The following CIP2A variants were observed in gnomAD, a reference collection of about 807,000 sequenced individuals.
CIP2A encodes protein CIP2A.
A neutral mutation model predicts 110.9 loss-of-function variants in CIP2A; 103 were observed. That is an observed-to-expected ratio of 0.93 (90% CI 0.79 to 1.09). The LOEUF (loss-of-function observed/expected upper bound fraction) is 1.09. Among genes scored for constraint, CIP2A ranks in the 50% least tolerant of loss-of-function variants. The pLI is 0.00. For synonymous variants in CIP2A, 381 were observed against 361.6 expected, an observed-to-expected ratio of 1.05 and a Z score of -0.61; for missense variants, 1,088 against 1,038.4, an observed-to-expected ratio of 1.05 and a Z score of -0.66.
chr3:108,584,442 G>A (rs900952359), intron 2 of CIP2A, among the ~76,000 whole-genome samples: 1 of 152,130 alleles, frequency 6.6e-6, no homozygotes, highest in Non-Finnish European at 1.5e-5. Context: ...GTGGTAATGG[G>A]TACAGGCTCA....
intron 8 of CIP2A, among the ~76,000 whole-genome samples, chr3:108,572,018 G>C (rs1156729033): frequency 6.6e-6 from 1 of 151,866 alleles, no homozygotes; most frequent in Non-Finnish European, 1.5e-5. Context: ...CAACTTTTTT[G>C]CTCAAGTATC....
At chr3:108,571,612 G>A (rs1938404845) in intron 8 of CIP2A, among the ~76,000 whole-genome samples, 1 of 152,028 alleles carries the variant, frequency 6.6e-6, no homozygotes, top group Admixed American at 6.6e-5. Flanking sequence ...TTCTTTTAAT[G>A]TACACATATA....
intron 8 of CIP2A, among the ~76,000 whole-genome samples, chr3:108,572,429 A>T (rs935776375): frequency 3.9e-5 from 6 of 152,076 alleles, no homozygotes; most frequent in Non-Finnish European, 7.4e-5. Flanking sequence ...CAATTGACCC[A>T]GCGTCATTTA....
rs1938784866 is a variant in CIP2A, at chr3:108,579,377, A to G, written c.722T>C (p.Ile241Thr). 6.2e-7 allele frequency: 1 copy of G among 1,605,920 alleles called. No individual in the cohort carries two copies. Among genetic ancestry groups the G allele is most frequent in the Non-Finnish European group, 8.5e-7 (1 of 1,173,110 alleles). Residue 241 changes from isoleucine to threonine, a missense_variant, in exon 7 of 21, where the codon ATT becomes ACT. Ile to Thr is a moderately conservative substitution (Grantham distance 89, BLOSUM62 -1). Transcript: ENST00000295746. ...IHQTFQLIFNILINGDGTLTR... is the reference protein window; with the variant it reads ...IHQTFQLIFNTLINGDGTLTR... Reference sequence around the variant, plus strand: ...TAGAGTGCCATCACCGTTTATGAGAATATTAAATATTAGTTGAAAAGTCTG... The same window carrying G: ...TAGAGTGCCATCACCGTTTATGAGAGTATTAAATATTAGTTGAAAAGTCTG...
chr3:108,552,448 T>C, intron 19 of CIP2A, 75 bp from the exon 20 acceptor site: 1 of 832,562 alleles, frequency 1.2e-6, no homozygotes, highest in Non-Finnish European at 1.7e-6. Context: ...TAGTAGCTAC[T>C]GTAAGAGCAA....
intron 1 of CIP2A, chr3:108,585,824 A>C: frequency 6.6e-6 from 3 of 451,350 alleles, no homozygotes; most frequent in South Asian, 4.7e-5. Context: ...GCATTGAAAA[A>C]TTTTATTTCT....
intron 17 of CIP2A, among the ~76,000 whole-genome samples, chr3:108,556,453 A>G (rs892618464): frequency 6.6e-6 from 1 of 152,304 alleles, no homozygotes; most frequent in Non-Finnish European, 1.5e-5. Flanking sequence ...AAACTTTGCT[A>G]GTAGGCACAC....
At chr3:108,580,589 C>T (rs1938836082) in intron 5 of CIP2A, among the ~76,000 whole-genome samples, 1 of 151,572 alleles carries the variant, frequency 6.6e-6, no homozygotes, top group African/African-American at 2.4e-5. Flanking sequence ...AAATTGTTCA[C>T]CAAGCACCTT....
At position 108,566,637 on chromosome 3, in the gene CIP2A, A is replaced by G. The variant is rs1348419864; in HGVS notation, c.1275T>C (p.Thr425=). The G allele has an allele frequency of 1.9e-6, 3 of 1,571,688 alleles. No individual in the cohort carries two copies. In the Middle Eastern group the frequency reaches 5.1e-4, roughly 270 times the overall value. The change falls in exon 11 of 21, where the codon ACT becomes ACC. Residue 425 remains threonine (T), a splice_region_variant and synonymous_variant. Transcript: ENST00000295746. ...RIAKAIEVLL[T]LCGDDTLKMH... ...TTTTTAGTGTATCATCTCCACAGAG[A>G]GGTTAAGTTTTGTTAAGATATACAA...
Position 108,579,550 on chromosome 3 carries a change from G to C in CIP2A, c.672+16C>G, listed in dbSNP as rs1200381964. The stretch of plus-strand genomic sequence containing the variant: ...AGACTATAAACTTCAGAATAAATTT[G>C]AAAAATTGTATTTACCTTTTCCCCC... On this transcript the variant is annotated intron_variant, in intron 6 of 20. Coordinates refer to ENST00000295746, the MANE Select transcript of CIP2A (RefSeq NM_020890.3). 2 of 1,576,068 alleles carry C rather than the reference G, an allele frequency of 1.3e-6. No individual in the cohort carries two copies. Among genetic ancestry groups the C allele is most frequent in the Non-Finnish European group, 1.7e-6 (2 of 1,161,266 alleles).
At chr3:108,565,507 T>C (rs888770767) in intron 11 of CIP2A, 53 bp from the exon 12 acceptor site, 50 of 941,372 alleles carry the variant, frequency 5.3e-5, no homozygotes, top group Admixed American at 3.4e-4. Flanking sequence ...TCTTAGAGCT[T>C]GTTTCTGTCC....
chr3:108,575,891 T>TATATACGTATATATACACATATAC lies in CIP2A; in HGVS notation c.894+379_894+380insGTATATGTGTATATATACGTATAT, dbSNP rs1443551475. ...GTATATATACTCATATACATGTGTA[T>TATATACGTATATATACACATATAC]GAGTATATATACATATATACATATA... is the stretch of plus-strand genomic sequence containing the variant. On this transcript the variant is annotated intron_variant, in intron 8 of 20. Coordinates refer to ENST00000295746, the MANE Select transcript of CIP2A (RefSeq NM_020890.3). 3.3e-5 allele frequency among the ~76,000 whole-genome samples: 3 copies of TATATACGTATATATACACATATAC among 91,328 alleles called. 1 individual carries two copies. The highest frequency in any genetic ancestry group is 9.9e-5 in the African/African-American group (3 of 30,360). 59.9% of individuals were successfully genotyped at this position (91,328 alleles called of 152,430 possible).
intron 1 of CIP2A, among the ~76,000 whole-genome samples, chr3:108,588,703 A>T (rs1261353720): frequency 6.6e-6 from 1 of 152,220 alleles, no homozygotes; most frequent in Non-Finnish European, 1.5e-5. Flanking sequence ...TCACTAGAAT[A>T]GAAAAAAAGG....
At chr3:108,564,969 G>A (rs963602968) in intron 12 of CIP2A, among the ~76,000 whole-genome samples, 2 of 151,694 alleles carry the variant, frequency 1.3e-5, no homozygotes, top group African/African-American at 4.8e-5. Flanking sequence ...TCTTCCAGCT[G>A]TCTCCCTATC....
chr3:108,551,337 G>C lies in CIP2A; in HGVS notation c.2548-18C>G, dbSNP rs772457990. The stretch of plus-strand genomic sequence containing the variant: ...GAGGAAGCCTAAGGAATTGGGGTTG[G>C]GGGAGGAGGAAGAATTGAGAAGAAA... On this transcript the variant is annotated intron_variant, in intron 20 of 20. Coordinates refer to ENST00000295746, the MANE Select transcript of CIP2A (RefSeq NM_020890.3). The C allele has an allele frequency of 3.8e-6, 6 of 1,569,720 alleles. No individual in the cohort carries two copies. The highest frequency in any genetic ancestry group is 1.2e-5 in the South Asian group (1 of 83,280).
chr3:108,553,894 TATAAAAAAAAAAAAAA>T lies in CIP2A; in HGVS notation c.2325-180_2325-165del, dbSNP rs1316641118. ...GGTGAAACCCCGTCTCTACTAAAAA[TATAAAAAAAAAAAAAA>T]AAAAAAAAAGGTCTCGTTCTGTCAC... On this transcript the variant is annotated intron_variant, in intron 18 of 20. Transcript: ENST00000295746. Among the ~76,000 whole-genome samples, 238 of 49,738 alleles carry T rather than the reference TATAAAAAAAAAAAAAA, an allele frequency of 4.8e-3. 15 individuals are homozygous for T. The highest frequency in any genetic ancestry group is 6.6e-3 in the Non-Finnish European group (167 of 25,128). The allele number at this position is 49,738 out of a possible 152,430, so 32.6% of individuals were successfully genotyped here. A position where few individuals can be genotyped will look rare whatever the true frequency, so the allele number is the denominator to read the frequency against.
At chr3:108,580,289 T>C (rs1394595841) in intron 5 of CIP2A, among the ~76,000 whole-genome samples, 1 of 152,236 alleles carries the variant, frequency 6.6e-6, no homozygotes, top group East Asian at 1.9e-4. Context: ...GGTAGTTTCG[T>C]ATATTGCTGA....
intron 20 of CIP2A, among the ~76,000 whole-genome samples, 174 bp from the exon 21 acceptor site, chr3:108,551,493 A>G (rs2083898199): frequency 6.6e-6 from 1 of 152,182 alleles, no homozygotes; most frequent in South Asian, 2.1e-4. Context: ...TTTAAAATGA[A>G]TAATCATTAA....
chr3:108,554,465 A>C lies in CIP2A; in HGVS notation c.2235T>G (p.Asn745Lys), dbSNP rs115087527. 8.7e-4 allele frequency: 1,307 copies of C among 1,509,456 alleles called. 5 individuals carry two copies. In the African/African-American group the frequency reaches 0.015, roughly 17 times the overall value. The allele number at this position is 1,509,456 out of a possible 1,614,324, so 93.5% of individuals were successfully genotyped here. A position where few individuals can be genotyped will look rare whatever the true frequency, so the allele number is the denominator to read the frequency against. ...AATCACATGTGATCTGTAAATCTTT[A>C]TTCTTCTTTTCAGTACTTTCATTTC... Reference protein sequence around the residue: ...LQRNESTEKKNKDLQITCDSL... With the variant: ...LQRNESTEKKKKDLQITCDSL... The change falls in exon 18 of 21, where the codon AAT (asparagine) becomes AAG (lysine). Residue 745 changes from asparagine (N) to lysine (K), a missense_variant. Coordinates refer to ENST00000295746, the MANE Select transcript of CIP2A (RefSeq NM_020890.3).
Sources: allele counts gnomAD v4.1 joint callset (sites outside exome capture counted in the v4.1 genomes callset), GRCh38; gene constraint gnomAD v4.1.1; transcripts MANE v1.5; gene names NCBI Gene and HGNC (gene_info 2026-07-23, HGNC 2026-07-21).